ZDHHC18: variants seen among roughly 807,000 people sequenced by gnomAD.
The protein encoded by ZDHHC18 is palmitoyltransferase ZDHHC18.
Under a neutral mutation model 37.5 loss-of-function variants are expected in ZDHHC18, and 23 were observed. The observed-to-expected ratio is 0.61, with a 90% confidence interval of 0.44 to 0.87. The LOEUF is 0.87. Ranked by LOEUF, ZDHHC18 falls within the 40% of genes least tolerant of loss-of-function variation. The pLI is 0.00. For missense variants in ZDHHC18, 406 were observed against 525.6 expected, an observed-to-expected ratio of 0.77 and a Z score of 2.22; for synonymous variants, 185 against 218.7, an observed-to-expected ratio of 0.85 and a Z score of 1.36.
chr1:26,838,170 T>C (rs2081622260), intron 2 of ZDHHC18, among the ~76,000 whole-genome samples: 2 of 151,940 alleles, frequency 1.3e-5, no homozygotes, highest in Non-Finnish European at 2.9e-5. Flanking sequence ...TAATTTTGTA[T>C]TTTTAGTAGA....
intron 7 of ZDHHC18, 140 bp downstream of exon 7, chr1:26,853,005 C>T (rs544560416): frequency 7.6e-5 from 49 of 647,512 alleles, no homozygotes; most frequent in Middle Eastern, 3.7e-4. Context: ...TGTCATGTGA[C>T]GGAATTCCAT....
At chr1:26,833,279 G>A (rs1197058298) in intron 2 of ZDHHC18, among the ~76,000 whole-genome samples, 2 of 152,208 alleles carry the variant, frequency 1.3e-5, no homozygotes, top group Non-Finnish European at 2.9e-5. Context: ...GGGAGGGTGT[G>A]TGATTTTACA....
At chr1:26,833,151 T>C (rs900375155) in intron 2 of ZDHHC18, among the ~76,000 whole-genome samples, 1 of 152,174 alleles carries the variant, frequency 6.6e-6, no homozygotes, top group Non-Finnish European at 1.5e-5. Flanking sequence ...CTGACAATAG[T>C]CCCTGTCCTC....
chr1:26,827,219 G>GCCTT, intron 1 of ZDHHC18, 80 bp downstream of exon 1: 2 of 1,174,026 alleles, frequency 1.7e-6, no homozygotes, highest in Non-Finnish European at 2.2e-6. Context: ...GGCACTCCGT[G>GCCTT]CCTTCCCCTT....
chr1:26,841,197 A>G (rs1198025608), intron 2 of ZDHHC18, among the ~76,000 whole-genome samples: 1 of 152,064 alleles, frequency 6.6e-6, no homozygotes, highest in Non-Finnish European at 1.5e-5. Flanking sequence ...CTGGTCTCGA[A>G]CTCCTGACCT....
chr1:26,839,086 AC>A (rs2081626325), intron 2 of ZDHHC18, among the ~76,000 whole-genome samples: 1 of 152,258 alleles, frequency 6.6e-6, no homozygotes, highest in Non-Finnish European at 1.5e-5. Flanking sequence ...TCAGGCTCTG[AC>A]CGCAGAAGGC....
At chr1:26,849,716 C>T (rs1176557646) in intron 3 of ZDHHC18, among the ~76,000 whole-genome samples, 2 of 152,228 alleles carry the variant, frequency 1.3e-5, no homozygotes, top group Non-Finnish European at 2.9e-5. Flanking sequence ...TGGCTGTGAA[C>T]CCCATTGCAG....
intron 1 of ZDHHC18, chr1:26,831,856 C>T (rs2081589982): frequency 6.6e-6 from 1 of 152,504 alleles, no homozygotes; most frequent in African/African-American, 2.4e-5. Context: ...TTGTCTCCTT[C>T]AGGTTGCCTT....
At chr1:26,852,979 C>A (rs1557646560) in intron 7 of ZDHHC18, 114 bp downstream of exon 7, 11 of 814,034 alleles carry the variant, frequency 1.4e-5, no homozygotes, top group Non-Finnish European at 1.9e-5. Flanking sequence ...CCGTCCACTA[C>A]CCCCTGGAGG....
chr1:26,842,142 A>G (rs1570670962), intron 2 of ZDHHC18, among the ~76,000 whole-genome samples: 1 of 148,282 alleles, frequency 6.7e-6, no homozygotes, highest in Non-Finnish European at 1.5e-5. Context: ...TCAAAAAAAA[A>G]AAAAAAAAGA....
intron 2 of ZDHHC18, among the ~76,000 whole-genome samples, chr1:26,834,410 G>A (rs1464882425): frequency 1.3e-5 from 2 of 152,208 alleles, no homozygotes; most frequent in African/African-American, 2.4e-5. Flanking sequence ...CAGAGTGTGT[G>A]CCTTTCACTC....
At chr1:26,846,969 C>T (rs2081671651) in intron 2 of ZDHHC18, among the ~76,000 whole-genome samples, 1 of 151,788 alleles carries the variant, frequency 6.6e-6, no homozygotes, top group Non-Finnish European at 1.5e-5. Flanking sequence ...GATCTCGGCT[C>T]ACTGCAAGCT....
chr1:26,856,033 G>A lies in ZDHHC18; in HGVS notation c.*2190G>A, dbSNP rs2081732372. The stretch of plus-strand genomic sequence containing the variant: ...TTCTTCCCTACTGCCTTTCCACTCC[G>A]ATCCCCAATGAGTGCCCAGCTAAGA... On this transcript the variant is annotated 3_prime_UTR_variant, in exon 8 of 8. Coordinates refer to ENST00000374142, the MANE Select transcript of ZDHHC18 (RefSeq NM_032283.3). The surrounding 1 kb of genome is among the most constrained non-coding windows in gnomAD (Gnocchi z 5.2). 13 of 337,590 alleles carry A rather than the reference G, an allele frequency of 3.9e-5. No individual in the cohort carries two copies. The highest frequency in any genetic ancestry group is 2.5e-4 in the South Asian group (12 of 47,482). 20.9% of individuals were successfully genotyped at this position (337,590 alleles called of 1,614,324 possible).
At chr1:26,846,959 G>C (rs1024848751) in intron 2 of ZDHHC18, among the ~76,000 whole-genome samples, 3 of 150,890 alleles carry the variant, frequency 2.0e-5, no homozygotes, top group African/African-American at 7.3e-5. Flanking sequence ...GCAGTGGCAT[G>C]ATCTCGGCTC....
chr1:26,828,729 G>A (rs1485989511), intron 1 of ZDHHC18, among the ~76,000 whole-genome samples: 1 of 151,806 alleles, frequency 6.6e-6, no homozygotes, highest in Non-Finnish European at 1.5e-5. Flanking sequence ...TGGATAAAAA[G>A]TTCAGGGATG....
At chr1:26,832,342 T>C (rs887657197) in intron 1 of ZDHHC18, 105 bp from the exon 2 acceptor site, 13 of 1,422,892 alleles carry the variant, frequency 9.1e-6, no homozygotes, top group Non-Finnish European at 1.3e-5. Context: ...GTATTCAAGA[T>C]TTTGGTGGTG....
chr1:26,827,183 G>T (rs1379665745), intron 1 of ZDHHC18, 44 bp downstream of exon 1: 3 of 1,245,128 alleles, frequency 2.4e-6, no homozygotes, highest in Admixed American at 4.4e-5. Context: ...CCCCTGCCGC[G>T]CACCCCACCT....
intron 1 of ZDHHC18, among the ~76,000 whole-genome samples, chr1:26,830,204 T>C (rs754101707): frequency 1.3e-5 from 2 of 152,184 alleles, no homozygotes; most frequent in Non-Finnish European, 2.9e-5. Flanking sequence ...ATCTCAGGCC[T>C]CCCAGGGCCC....
chr1:26,829,917 C>T (rs2081579953), intron 1 of ZDHHC18, among the ~76,000 whole-genome samples: 3 of 152,198 alleles, frequency 2.0e-5, no homozygotes, highest in Non-Finnish European at 4.4e-5. Context: ...TTCAAGTCTT[C>T]TCTGTCCCCC....
Sources: gnomAD v4.1 joint callset for allele counts (sites outside exome capture counted in the v4.1 genomes callset) on GRCh38, gnomAD v4.1.1 for gene constraint, Gnocchi (gnomAD v3.1) non-coding constraint, MANE v1.5 for transcripts, NCBI Gene and HGNC (gene_info 2026-07-23, HGNC 2026-07-21) for gene names.